Variants in SLC22A24 observed in about 807,000 individuals in gnomAD.
SLC22A24 encodes the protein solute carrier family 22 member 24.
In SLC22A24, 53 loss-of-function variants were observed where a neutral mutation model predicts 49.8. That is an observed-to-expected ratio of 1.06 (90% CI 0.85 to 1.34). The LOEUF (loss-of-function observed/expected upper bound fraction) is 1.34, where lower values mean the gene tolerates loss of function less well. SLC22A24 is among the 40% of genes most tolerant of loss of function. The pLI is 0.00. For missense variants in SLC22A24, 786 were observed against 675.9 expected (o/e 1.16, Z -1.81); for synonymous variants, 302 against 256.4 (o/e 1.18, Z -1.70).
chr11:63,120,216 T>C (rs2087241693), intron 2 of SLC22A24, among the ~76,000 whole-genome samples: 1 of 148,862 alleles, frequency 6.7e-6, no homozygotes, highest in Admixed American at 6.9e-5. Context: ...TCCTGAATGG[T>C]AATGCCTATT....
intron 4 of SLC22A24, among the ~76,000 whole-genome samples, chr11:63,110,331 G>C (rs1370458857): frequency 2.0e-5 from 3 of 152,124 alleles, no homozygotes; most frequent in East Asian, 1.9e-4. Flanking sequence ...GGCAATGCGG[G>C]CTCTTTTTTG....
chr11:63,123,401 C>A (rs931495621), intron 2 of SLC22A24, among the ~76,000 whole-genome samples: 2 of 152,170 alleles, frequency 1.3e-5, no homozygotes, highest in African/African-American at 4.8e-5. Context: ...TCTCTATCTA[C>A]ATTTCTTTTC....
intron 6 of SLC22A24, among the ~76,000 whole-genome samples, chr11:63,094,035 C>A (rs896418901): frequency 6.6e-6 from 1 of 151,716 alleles, no homozygotes; most frequent in Non-Finnish European, 1.5e-5. Context: ...TACATATGCA[C>A]AATGTGCAGG....
At chr11:63,137,606 G>A (rs1029377739) in intron 1 of SLC22A24, among the ~76,000 whole-genome samples, 3 of 152,180 alleles carry the variant, frequency 2.0e-5, no homozygotes, top group Non-Finnish European at 4.4e-5. Context: ...CTGATATTGG[G>A]TACTGAATGA....
At chr11:63,128,643 G>A (rs985809118) in intron 2 of SLC22A24, among the ~76,000 whole-genome samples, 14 of 152,194 alleles carry the variant, frequency 9.2e-5, no homozygotes, top group Admixed American at 6.5e-5. Flanking sequence ...CTGAAATGCA[G>A]AAATAATGGC....
At chr11:63,105,235 C>T (rs2087113621) in intron 4 of SLC22A24, among the ~76,000 whole-genome samples, 1 of 152,182 alleles carries the variant, frequency 6.6e-6, no homozygotes, top group Admixed American at 6.5e-5. Context: ...GTGTCTGTGG[C>T]TTTTCCAGGC....
chr11:63,120,837 G>C (rs55715444), intron 2 of SLC22A24, among the ~76,000 whole-genome samples: 1 of 151,984 alleles, frequency 6.6e-6, no homozygotes, highest in African/African-American at 2.4e-5. Context: ...TACTAAATTT[G>C]TATGAGGCAA....
At chr11:63,125,657 C>T (rs1349572839) in intron 2 of SLC22A24, among the ~76,000 whole-genome samples, 1 of 152,092 alleles carries the variant, frequency 6.6e-6, no homozygotes, top group Admixed American at 6.6e-5. Flanking sequence ...ATTTATAATC[C>T]TTTGGGTATA....
chr11:63,094,978 TA>T (rs751831368), intron 6 of SLC22A24, among the ~76,000 whole-genome samples: 17 of 152,050 alleles, frequency 1.1e-4, no homozygotes, highest in Admixed American at 3.3e-4. Context: ...AGAAGCTCTT[TA>T]GTTTAATTAG....
At chr11:63,108,855 T>C (rs1215358777) in intron 4 of SLC22A24, among the ~76,000 whole-genome samples, 1 of 151,756 alleles carries the variant, frequency 6.6e-6, no homozygotes, top group South Asian at 2.1e-4. Context: ...TTTTTTTTAT[T>C]ATTATTATAC....
At chr11:63,081,687 C>A in intron 7 of SLC22A24, 21 bp from the exon 8 acceptor site, 1 of 1,506,506 alleles carries the variant, frequency 6.6e-7, no homozygotes, top group South Asian at 1.2e-5. Context: ...CAGTGAGAAT[C>A]AGGAAATCTT....
chr11:63,131,347 T>A (rs992836514), intron 2 of SLC22A24, among the ~76,000 whole-genome samples: 1 of 152,220 alleles, frequency 6.6e-6, no homozygotes, highest in Non-Finnish European at 1.5e-5. Context: ...TTTTGCCTGT[T>A]AATTGAGGCA....
Position 63,096,014 on chromosome 11 carries a change from T to G in SLC22A24, c.1047A>C (p.Arg349Ser). ...ACCTCACAAAGCACAGGCCGAAGAC[T>G]CTCATTCGCAATTTGGGTGCACGGA... ...SLFRAPKLRMRVFGLCFVRFA... is the reference protein window; with the variant it reads ...SLFRAPKLRMSVFGLCFVRFA... Residue 349 changes from arginine to serine, a missense_variant, in exon 6 of 10, where the codon AGA becomes AGC. Physicochemically the swap from Arg to Ser is moderately radical, Grantham distance 110. Coordinates refer to ENST00000612278, the MANE Select transcript of SLC22A24 (RefSeq NM_001136506.2). 1 of 1,550,576 alleles carries G rather than the reference T, an allele frequency of 6.4e-7. No individual in the cohort carries two copies. Among genetic ancestry groups the G allele is most frequent in the Non-Finnish European group, 8.7e-7 (1 of 1,146,140 alleles).
intron 2 of SLC22A24, among the ~76,000 whole-genome samples, chr11:63,131,418 G>T (rs531521537): frequency 6.6e-6 from 1 of 152,246 alleles, no homozygotes; most frequent in South Asian, 2.1e-4. Context: ...GCTGGTACTG[G>T]TTGTTCCTTT....
intron 5 of SLC22A24, among the ~76,000 whole-genome samples, chr11:63,098,640 G>A (rs1300650441): frequency 6.6e-6 from 1 of 152,024 alleles, no homozygotes; most frequent in Non-Finnish European, 1.5e-5. Flanking sequence ...TCCAGCCTAG[G>A]TGACAGAGTG....
chr11:63,132,646 A>G (rs148781039), intron 2 of SLC22A24, among the ~76,000 whole-genome samples: 2,341 of 152,242 alleles, frequency 0.015, 27 homozygotes, highest in Middle Eastern at 0.054. Context: ...AGAACAGCAA[A>G]TATTGCTGCC....
intron 4 of SLC22A24, among the ~76,000 whole-genome samples, chr11:63,111,653 T>C (rs1448883142): frequency 6.6e-6 from 1 of 150,558 alleles, no homozygotes; most frequent in East Asian, 2.0e-4. Flanking sequence ...GTTTGTAGTA[T>C]TCTCTGATGG....
chr11:63,084,222 G>T (rs1321763837), intron 6 of SLC22A24, among the ~76,000 whole-genome samples: 2 of 152,112 alleles, frequency 1.3e-5, no homozygotes, highest in Non-Finnish European at 2.9e-5. Context: ...GAGTGCAGTG[G>T]CCTGACATTT....
chr11:63,121,041 T>A (rs1463290168), intron 2 of SLC22A24, among the ~76,000 whole-genome samples: 1 of 152,114 alleles, frequency 6.6e-6, no homozygotes, highest in Non-Finnish European at 1.5e-5. Flanking sequence ...AGGACATTTT[T>A]AAGGAGATAC....
Sources: allele counts gnomAD v4.1 joint callset (sites outside exome capture counted in the v4.1 genomes callset), GRCh38; gene constraint gnomAD v4.1.1; transcripts MANE v1.5; gene names NCBI Gene and HGNC (gene_info 2026-07-23, HGNC 2026-07-21).